RSPH3: variants seen among roughly 807,000 people sequenced by gnomAD.
RSPH3 encodes radial spoke head protein 3 homolog.
Under a neutral mutation model 43.8 loss-of-function variants are expected in RSPH3, and 21 were observed. The observed-to-expected ratio is 0.48, with a 90% CI of 0.34 to 0.69. RSPH3 has a LOEUF of 0.69. RSPH3 is among the 30% of genes least tolerant of loss of function. The pLI is 0.01. For missense variants in RSPH3, 487 were observed against 516.0 expected, an observed-to-expected ratio of 0.94 and a Z score of 0.54; for synonymous variants, 173 against 179.8, an observed-to-expected ratio of 0.96 and a Z score of 0.30.
rs183883560 is a variant in RSPH3, at chr6:158,987,061, A to G, written c.205-640T>C. Among the ~76,000 whole-genome samples the G allele has an allele frequency of 1.9e-3, 293 of 152,076 alleles. 2 individuals are homozygous for G. Among genetic ancestry groups the G allele is most frequent in the African/African-American group, 6.6e-3 (273 of 41,484 alleles). On this transcript the variant is annotated intron_variant, in intron 2 of 7. Transcript: ENST00000367069. ...GATTTTCTGTTTGGATTATCTATTCATTACTGAGAACAGGTTGTTAAAGTC... is the reference window on the plus strand; with the variant it reads ...GATTTTCTGTTTGGATTATCTATTCGTTACTGAGAACAGGTTGTTAAAGTC...
downstream of RSPH3, among the ~76,000 whole-genome samples, chr6:158,970,498 C>T (rs1331048140): frequency 1.3e-5 from 2 of 151,996 alleles, no homozygotes. Context: ...TGCATGCAGT[C>T]CTACACATGT....
rs1777842727 is a variant in RSPH3 at position 158,976,476 on chromosome 6, T to C, written c.*1062A>G. ...ATTCTCTTAAGTGAAAAATAAAATA[T>C]GTAAATAATGTTTATATTTATATAA... On this transcript the variant is annotated 3_prime_UTR_variant, in exon 8 of 8. Coordinates refer to ENST00000367069, the MANE Select transcript of RSPH3 (RefSeq NM_031924.8). 3 of 152,240 alleles carry C rather than the reference T, an allele frequency of 2.0e-5. No homozygotes were observed. The South Asian group carries it at 6.2e-4, about 32-fold the overall frequency. The allele number at this position is 152,240 out of a possible 1,614,324, so 9.4% of individuals were successfully genotyped here. A position where few individuals can be genotyped will look rare whatever the true frequency, so the allele number is the denominator to read the frequency against.
At chr6:158,968,870 C>A (rs969367854), downstream of RSPH3, among the ~76,000 whole-genome samples, 1 of 151,682 alleles carries the variant, frequency 6.6e-6, no homozygotes, top group African/African-American at 2.4e-5. Flanking sequence ...CGCCACCACA[C>A]CCAGCTAATT....
At chr6:158,967,318 A>C in the RSPH3 span, among the ~76,000 whole-genome samples, 194 of 152,186 alleles carry the variant, frequency 1.3e-3, no homozygotes, top group African/African-American at 4.6e-3. Flanking sequence ...TATTCACCTC[A>C]AATTACTTTC....
Position 158,989,195 on chromosome 6 carries a change from C to T in RSPH3, c.205-2774G>A, listed in dbSNP as rs1214507984. Among the ~76,000 whole-genome samples, 1 of 151,892 alleles carries T rather than the reference C, an allele frequency of 6.6e-6. No homozygotes were observed. Among genetic ancestry groups the T allele is most frequent in the African/African-American group, 2.4e-5 (1 of 41,328 alleles). On this transcript the variant is annotated intron_variant, in intron 2 of 7. Transcript: ENST00000367069. This position sits in a 1 kb window ranked among gnomAD's most constrained non-coding sequence, Gnocchi z 4.3. ...TCAAGTAGCTGGGATTACAGGTGCC[C>T]GCCACCATGCCTGGCTAATTTTTGT...
intron 3 of RSPH3, among the ~76,000 whole-genome samples, chr6:158,985,585 T>C (rs28448448): frequency 0.018 from 2,707 of 152,118 alleles, 33 homozygotes; most frequent in Middle Eastern, 0.024. Flanking sequence ...CGTGCACCAC[T>C]ATGCTCAACC....
In RSPH3 at chr6:158,999,545, G is replaced by A; in HGVS notation, c.6C>T (p.Ala2=). Residue 2 remains alanine, a synonymous_variant, in exon 1 of 8, where the codon GCC becomes GCT. Coordinates refer to ENST00000367069, the MANE Select transcript of RSPH3 (RefSeq NM_031924.8). The part of the protein sequence containing the change: M[A]SALTDRTSRA... ...GAGAGGTGCGATCAGTCAGCGCTGA[G>A]GCCATGTCCGGGGGCTGACTGCCTC... The A allele has an allele frequency of 6.2e-7, 1 of 1,602,638 alleles. No homozygotes were observed. The highest frequency in any genetic ancestry group is 8.5e-7 in the Non-Finnish European group (1 of 1,172,140).
At chr6:158,999,338 A>C (rs1778766821) in intron 1 of RSPH3, 97 bp downstream of exon 1, 1 of 1,122,460 alleles carries the variant, frequency 8.9e-7, no homozygotes, top group Non-Finnish European at 1.2e-6. Flanking sequence ...AAGGGAAGAC[A>C]GCATAAGCAG....
chr6:158,970,362 T>TG (rs1236456208), downstream of RSPH3, among the ~76,000 whole-genome samples: 1 of 152,140 alleles, frequency 6.6e-6, no homozygotes, highest in Non-Finnish European at 1.5e-5. Flanking sequence ...GCTCTATAAG[T>TG]GTTGGGCATG....
At chr6:158,995,841 C>T (rs1441411690) in intron 1 of RSPH3, among the ~76,000 whole-genome samples, 2 of 152,068 alleles carry the variant, frequency 1.3e-5, no homozygotes, top group East Asian at 1.9e-4. Context: ...CCTCGTGATC[C>T]GCCCACCTTA....
chr6:158,971,794 A>G (rs1357208752), downstream of RSPH3, among the ~76,000 whole-genome samples: 1 of 152,202 alleles, frequency 6.6e-6, no homozygotes, highest in Non-Finnish European at 1.5e-5. Flanking sequence ...ATTTCTAGGC[A>G]TTTGAGTTTA....
chr6:158,991,367 T>C (rs188910301), intron 2 of RSPH3, among the ~76,000 whole-genome samples: 1 of 152,350 alleles, frequency 6.6e-6, no homozygotes, highest in East Asian at 1.9e-4. Flanking sequence ...TTTGTTTTAG[T>C]GCACAAGCCT....
intron 2 of RSPH3, among the ~76,000 whole-genome samples, chr6:158,987,966 T>C (rs1388122994): frequency 6.6e-6 from 1 of 152,230 alleles, no homozygotes; most frequent in Non-Finnish European, 1.5e-5. Context: ...GTAAGTTTCA[T>C]ACCTTCAAAT....
downstream of RSPH3, among the ~76,000 whole-genome samples, chr6:158,968,620 CAG>C (rs1429836467): frequency 6.6e-6 from 1 of 152,146 alleles, no homozygotes; most frequent in Non-Finnish European, 1.5e-5. Context: ...CAATCTACTT[CAG>C]ATTAATAGTA....
Position 158,999,480 on chromosome 6 carries a change from G to T in RSPH3, c.71C>A (p.Ala24Glu). Reference protein sequence around the residue: ...STYTYTSRPRALPCQRSRYRD... With the variant: ...STYTYTSRPRELPCQRSRYRD... ...GTAACGGCTGCGCTGGCAGGGCAGTGCTCGGGGCCGGCTGGTGTAGGTGTA... is the reference window on the plus strand; with the variant it reads ...GTAACGGCTGCGCTGGCAGGGCAGTTCTCGGGGCCGGCTGGTGTAGGTGTA... The change falls in exon 1 of 8, where the codon GCA becomes GAA. Residue 24 changes from alanine to glutamate, a missense_variant. Ala to Glu is a moderately radical substitution (Grantham distance 107). Transcript: ENST00000367069. The T allele has an allele frequency of 6.5e-7, 1 of 1,528,042 alleles. No individual in the cohort carries two copies. The highest frequency in any genetic ancestry group is 8.8e-7 in the Non-Finnish European group (1 of 1,137,828). 94.7% of individuals were successfully genotyped at this position (1,528,042 alleles called of 1,614,324 possible).
chr6:158,969,542 C>A (rs548021101), downstream of RSPH3, among the ~76,000 whole-genome samples: 1 of 152,306 alleles, frequency 6.6e-6, no homozygotes, highest in South Asian at 2.1e-4. Context: ...ATGTGAAGAT[C>A]AACATTTTTC....
At chr6:158,971,713 G>A (rs1415909538), downstream of RSPH3, among the ~76,000 whole-genome samples, 1 of 152,188 alleles carries the variant, frequency 6.6e-6, no homozygotes, top group Admixed American at 6.5e-5. Flanking sequence ...TGCAAAGTCT[G>A]TTGACTTCGT....
At chr6:158,987,458 A>T (rs945467410) in intron 2 of RSPH3, among the ~76,000 whole-genome samples, 1 of 152,164 alleles carries the variant, frequency 6.6e-6, no homozygotes, top group Admixed American at 6.5e-5. Context: ...GTCCTCTTAC[A>T]TTCAGTGTTA....
At chr6:158,968,265 C>T (rs987370371), downstream of RSPH3, among the ~76,000 whole-genome samples, 6 of 151,984 alleles carry the variant, frequency 3.9e-5, no homozygotes, top group Non-Finnish European at 8.8e-5. Flanking sequence ...GATGGAGTCT[C>T]ACTCTGTTGC....
Sources: allele counts gnomAD v4.1 joint callset (sites outside exome capture counted in the v4.1 genomes callset), GRCh38; gene constraint gnomAD v4.1.1; non-coding constraint Gnocchi (gnomAD v3.1); transcripts MANE v1.5; gene names NCBI Gene and HGNC (gene_info 2026-07-23, HGNC 2026-07-21).